Variants in TNN observed in about 807,000 individuals in gnomAD.
TNN encodes tenascin N.
TNN carries 122 observed loss-of-function variants against 134.4 expected under a neutral mutation model. That is an observed-to-expected ratio of 0.91 (90% CI 0.78 to 1.06). TNN has a LOEUF of 1.06. Among genes scored for constraint, TNN ranks in the 50% least tolerant of loss-of-function variants. TNN has a pLI of 0.00. For synonymous variants in TNN, 710 were observed against 670.3 expected (o/e 1.06, Z -0.91); for missense variants, 1,739 against 1,699.4 (o/e 1.02, Z -0.41).
At position 175,124,407 on chromosome 1, in the gene TNN, G is replaced by A. The variant is rs149555976; in HGVS notation, c.2914+744G>A. Among the ~76,000 whole-genome samples, 1,240 of 152,288 alleles carry A rather than the reference G, an allele frequency of 8.1e-3. 22 individuals carry two copies. The highest frequency in any genetic ancestry group is 0.028 in the African/African-American group (1,173 of 41,546). On this transcript the variant is annotated intron_variant, in intron 12 of 18. Coordinates refer to ENST00000239462, the MANE Select transcript of TNN (RefSeq NM_022093.2). Reference sequence around the variant, plus strand: ...CAAAACAAAACAAAAACGGCCAGGCGCGGTGGCTCATGCCTGTAATCCCAG... The same window carrying A: ...CAAAACAAAACAAAAACGGCCAGGCACGGTGGCTCATGCCTGTAATCCCAG...
rs773017099 is a variant in TNN at position 175,128,168 on chromosome 1, A to G, written c.3178+4A>G. Reference sequence around the variant, plus strand: ...GTATCCACCACCCTCTCCACAGGTAATATGGAATCCTGTACTCTGAACGAC... The same window carrying G: ...GTATCCACCACCCTCTCCACAGGTAGTATGGAATCCTGTACTCTGAACGAC... On this transcript the variant is annotated splice_donor_region_variant and intron_variant, in intron 14 of 18. Transcript: ENST00000239462. 1.6e-5 allele frequency: 26 copies of G among 1,597,562 alleles called. 2 individuals carry two copies. The highest frequency in any genetic ancestry group is 2.2e-5 in the East Asian group (1 of 44,662).
At chr1:175,137,111 G>T in intron 17 of TNN, 123 bp downstream of exon 17, 1 of 1,008,008 alleles carries the variant, frequency 9.9e-7, no homozygotes. Flanking sequence ...TGTTCTCATT[G>T]ACAGTGGAGG....
chr1:175,100,748 T>C (rs1643074143), intron 9 of TNN, among the ~76,000 whole-genome samples: 1 of 152,178 alleles, frequency 6.6e-6, no homozygotes, highest in Non-Finnish European at 1.5e-5. Context: ...ATGTATGTGG[T>C]ATGGAGGAAC....
intron 9 of TNN, among the ~76,000 whole-genome samples, chr1:175,105,984 G>A (rs929794958): frequency 5.5e-5 from 8 of 145,714 alleles, no homozygotes; most frequent in Admixed American, 2.1e-4. Flanking sequence ...TGCGCTCACC[G>A]ACGCAGCAGC....
At position 175,128,588 on chromosome 1, in the gene TNN, C is replaced by G; in HGVS notation, c.3179-7C>G. On this transcript the variant is annotated splice_polypyrimidine_tract_variant and splice_region_variant and intron_variant, in intron 14 of 18. Transcript: ENST00000239462. ...TCCTAACAACACTCTCTCTGCTTGG[C>G]TCCCAGTTGGTGCCCGTTTCCCACA... 14 of 1,608,388 alleles carry G rather than the reference C, an allele frequency of 8.7e-6. No homozygotes were observed. Among genetic ancestry groups the G allele is most frequent in the Non-Finnish European group, 1.2e-5 (14 of 1,177,154 alleles).
chr1:175,079,580 C>T lies in TNN; in HGVS notation c.657C>T (p.Cys219=). The part of the protein sequence containing the change: ...HGECVRGVCQ[C]HEDFMSEDCS... Reference sequence around the variant, plus strand: ...AGTGCGTGCGCGGCGTGTGCCAGTGCCACGAAGACTTCATGTCGGAGGACT... The same window carrying T: ...AGTGCGTGCGCGGCGTGTGCCAGTGTCACGAAGACTTCATGTCGGAGGACT... Residue 219 remains cysteine, a synonymous_variant, in exon 3 of 19, where the codon TGC becomes TGT. Coordinates refer to ENST00000239462, the MANE Select transcript of TNN (RefSeq NM_022093.2). The T allele has an allele frequency of 6.3e-7, 1 of 1,588,276 alleles. No individual in the cohort carries two copies. Among genetic ancestry groups the T allele is most frequent in the East Asian group, 2.3e-5 (1 of 43,198 alleles).
intron 7 of TNN, among the ~76,000 whole-genome samples, chr1:175,096,159 A>C (rs1674563744): frequency 6.6e-6 from 1 of 152,228 alleles, no homozygotes; most frequent in Non-Finnish European, 1.5e-5. Context: ...AAGGGGACCT[A>C]CCACAGACTA....
At position 175,147,302 on chromosome 1, in the gene TNN, C is replaced by A; in HGVS notation, c.*231C>A. On this transcript the variant is annotated 3_prime_UTR_variant, in exon 19 of 19. Coordinates refer to ENST00000239462, the MANE Select transcript of TNN (RefSeq NM_022093.2). ...CACAGTATGTGTAGGAAAGACAGTA[C>A]TGGAACGGCAAGGTTTCTCAGCTTA... 1 of 391,848 alleles carries A rather than the reference C, an allele frequency of 2.6e-6. No individual in the cohort carries two copies. Among genetic ancestry groups the A allele is most frequent in the Non-Finnish European group, 4.5e-6 (1 of 223,518 alleles). 24.3% of individuals were successfully genotyped at this position (391,848 alleles called of 1,614,324 possible). A position where few individuals can be genotyped will look rare whatever the true frequency, so the allele number is the denominator to read the frequency against.
rs762743762 is a variant in TNN, at chr1:175,136,912, T to C, written c.3519T>C (p.Ala1173=). ...AGACTGCCAATGAATCTGCCTATGC[T>C]ATATATGATTTCTTCCAAGTGGCCT... The part of the protein sequence containing the change: ...DLQTANESAY[A]IYDFFQVASS... The change falls in exon 17 of 19, where the codon GCT becomes GCC. Residue 1173 remains alanine (A), a synonymous_variant. Coordinates refer to ENST00000239462, the MANE Select transcript of TNN (RefSeq NM_022093.2). The C allele has an allele frequency of 1.9e-6, 3 of 1,614,204 alleles. No homozygotes were observed. The highest frequency in any genetic ancestry group is 2.2e-5 in the South Asian group (2 of 91,084).
chr1:175,077,308 T>C, intron 1 of TNN, 76 bp from the exon 2 acceptor site: 1 of 1,168,772 alleles, frequency 8.6e-7, no homozygotes, highest in Non-Finnish European at 1.2e-6. Context: ...CTTGGGCTCT[T>C]AGAATCTGGT....
chr1:175,130,719 G>A (rs1188454858), intron 15 of TNN, among the ~76,000 whole-genome samples: 6 of 152,138 alleles, frequency 3.9e-5, no homozygotes, highest in Non-Finnish European at 8.8e-5. Context: ...CTATGTGTCG[G>A]CACTGCTTCA....
chr1:175,090,351 G>T (rs918112975), intron 6 of TNN, among the ~76,000 whole-genome samples: 1 of 152,218 alleles, frequency 6.6e-6, no homozygotes, highest in Non-Finnish European at 1.5e-5. Context: ...AGACATTAGA[G>T]GAGGTCTGTG....
Position 175,147,123 on chromosome 1 carries a change from G to T in TNN, c.*52G>T. On this transcript the variant is annotated 3_prime_UTR_variant, in exon 19 of 19. Coordinates refer to ENST00000239462, the MANE Select transcript of TNN (RefSeq NM_022093.2). ...AGACACCACCAGCTGTGGCAGCTTG[G>T]GGCGGGGTGGGTAGTGGTCACTGCG... 6.9e-7 allele frequency: 1 copy of T among 1,439,280 alleles called. No homozygotes were observed. Among genetic ancestry groups the T allele is most frequent in the South Asian group, 1.5e-5 (1 of 64,832 alleles). 89.2% of individuals were successfully genotyped at this position (1,439,280 alleles called of 1,614,324 possible).
intron 9 of TNN, among the ~76,000 whole-genome samples, chr1:175,107,269 C>T (rs1481439280): frequency 7.0e-6 from 1 of 143,376 alleles, no homozygotes; most frequent in Admixed American, 7.0e-5. Context: ...CGTGGTCTTG[C>T]TGGCTCAGGA....
At chr1:175,096,552 A>T (rs187813710) in intron 7 of TNN, among the ~76,000 whole-genome samples, 327 of 152,278 alleles carry the variant, frequency 2.1e-3, no homozygotes, top group Non-Finnish European at 3.8e-3. Context: ...GCCTTTTTTG[A>T]GGAGGTAGTT....
chr1:175,080,848 A>G (rs1401406310), intron 4 of TNN, among the ~76,000 whole-genome samples: 1 of 152,186 alleles, frequency 6.6e-6, no homozygotes, highest in African/African-American at 2.4e-5. Context: ...GGGTAAATGA[A>G]ATTTCAAAGT....
At chr1:175,123,044 C>T (rs1307449276) in intron 11 of TNN, among the ~76,000 whole-genome samples, 1 of 152,164 alleles carries the variant, frequency 6.6e-6, no homozygotes, top group African/African-American at 2.4e-5. Flanking sequence ...CTTCTTGGCT[C>T]TCAAATTCTG....
At chr1:175,069,810 A>G (rs1574135257) in intron 1 of TNN, among the ~76,000 whole-genome samples, 1 of 152,346 alleles carries the variant, frequency 6.6e-6, no homozygotes, top group African/African-American at 2.4e-5. Flanking sequence ...GTACCCAGCG[A>G]GTGTGAGTGG....
chr1:175,074,943 C>A (rs374794162), intron 1 of TNN, among the ~76,000 whole-genome samples: 1 of 152,204 alleles, frequency 6.6e-6, no homozygotes, highest in Non-Finnish European at 1.5e-5. Flanking sequence ...GTTGGGCAAC[C>A]CTGGCAAATG....
Sources: allele counts gnomAD v4.1 joint callset (sites outside exome capture counted in the v4.1 genomes callset), GRCh38; gene constraint gnomAD v4.1.1; transcripts MANE v1.5; gene names NCBI Gene and HGNC (gene_info 2026-07-23, HGNC 2026-07-21).